Variants in CPNE8 observed in about 807,000 individuals in gnomAD.
CPNE8 encodes copine 8.
CPNE8 carries 45 observed loss-of-function variants against 81.5 expected under a neutral mutation model. The ratio of observed to expected loss-of-function variants is 0.55; its 90% CI spans 0.44 to 0.71. The LOEUF is 0.71. CPNE8 is among the 30% of genes least tolerant of loss of function. The probability of loss-of-function intolerance (pLI) is 0.00; values close to 1 mark genes in which losing one functional copy is unlikely to be tolerated. For synonymous variants in CPNE8, 252 were observed against 226.3 expected (o/e 1.11, Z -1.02); for missense variants, 594 against 672.1 (o/e 0.88, Z 1.28).
chr12:38,797,739 T>A (rs1026139934), intron 6 of CPNE8, among the ~76,000 whole-genome samples: 13 of 151,898 alleles, frequency 8.6e-5, no homozygotes, highest in African/African-American at 3.1e-4. Context: ...CTTCAGAAGA[T>A]CAAACTACTC....
At chr12:38,813,230 A>T (rs1346049553) in intron 6 of CPNE8, among the ~76,000 whole-genome samples, 1 of 152,220 alleles carries the variant, frequency 6.6e-6, no homozygotes, top group Non-Finnish European at 1.5e-5. Flanking sequence ...CACAGAAAGG[A>T]CTAATGCATA....
intron 8 of CPNE8, among the ~76,000 whole-genome samples, chr12:38,766,746 TA>T (rs1941697865): frequency 6.6e-6 from 1 of 152,144 alleles, no homozygotes; most frequent in Non-Finnish European, 1.5e-5. Context: ...CTTTAGCTGA[TA>T]TATTACACAT....
At chr12:38,718,691 GA>G (rs545561309) in intron 13 of CPNE8, among the ~76,000 whole-genome samples, 245 of 152,152 alleles carry the variant, frequency 1.6e-3, no homozygotes, top group Non-Finnish European at 2.6e-3. Flanking sequence ...TTATTTCTAG[GA>G]AGTAACTCTA....
intron 17 of CPNE8, among the ~76,000 whole-genome samples, chr12:38,676,861 T>C (rs988554376): frequency 1.3e-5 from 2 of 152,170 alleles, no homozygotes; most frequent in African/African-American, 4.8e-5. Flanking sequence ...AAAGTGCATA[T>C]TAATGCCACT....
At chr12:38,880,629 A>G (rs1019188273) in intron 1 of CPNE8, among the ~76,000 whole-genome samples, 6 of 152,140 alleles carry the variant, frequency 3.9e-5, no homozygotes, top group Admixed American at 2.6e-4. Flanking sequence ...ATTTGTATGT[A>G]TATATATTTT....
intron 8 of CPNE8, among the ~76,000 whole-genome samples, chr12:38,765,922 G>A (rs1026762187): frequency 1.5e-4 from 23 of 151,228 alleles, no homozygotes; most frequent in African/African-American, 5.4e-4. Context: ...GCAATGGCAC[G>A]ATCTTGGCTC....
At chr12:38,786,515 T>C (rs1344335096) in intron 6 of CPNE8, among the ~76,000 whole-genome samples, 3 of 152,076 alleles carry the variant, frequency 2.0e-5, no homozygotes, top group Non-Finnish European at 4.4e-5. Flanking sequence ...AGTTCTTCAG[T>C]TTTGGAACTT....
At chr12:38,756,005 A>G (rs1477772171) in intron 10 of CPNE8, among the ~76,000 whole-genome samples, 7 of 129,428 alleles carry the variant, frequency 5.4e-5, no homozygotes, top group South Asian at 5.2e-4. Flanking sequence ...CCGCCACTGC[A>G]CTCCAGCCTG....
chr12:38,878,822 A>G (rs2137117107), intron 1 of CPNE8, among the ~76,000 whole-genome samples: 1 of 152,300 alleles, frequency 6.6e-6, no homozygotes, highest in African/African-American at 2.4e-5. Context: ...CTAACTAAGC[A>G]CTATCAAAAA....
intron 3 of CPNE8, among the ~76,000 whole-genome samples, chr12:38,851,768 T>C (rs1943650086): frequency 6.6e-6 from 1 of 152,228 alleles, no homozygotes; most frequent in South Asian, 2.1e-4. Flanking sequence ...AATGGCTTCC[T>C]GTAGTACTTA....
intron 13 of CPNE8, among the ~76,000 whole-genome samples, chr12:38,716,145 A>G (rs977676581): frequency 6.6e-5 from 10 of 152,150 alleles, no homozygotes; most frequent in Non-Finnish European, 2.9e-5. Flanking sequence ...GAAAGAAATC[A>G]TAGATGACAC....
chr12:38,832,232 G>A (rs1197799302), intron 5 of CPNE8, among the ~76,000 whole-genome samples: 1 of 152,174 alleles, frequency 6.6e-6, no homozygotes, highest in Non-Finnish European at 1.5e-5. Flanking sequence ...TAATGAGGAC[G>A]ATTTCATACC....
At chr12:38,861,998 G>A (rs1943842998) in intron 3 of CPNE8, among the ~76,000 whole-genome samples, 1 of 151,984 alleles carries the variant, frequency 6.6e-6, no homozygotes, top group Non-Finnish European at 1.5e-5. Flanking sequence ...CAATGATCTA[G>A]GCACTAAGCA....
At chr12:38,669,556 A>C (rs1327739176) in intron 19 of CPNE8, among the ~76,000 whole-genome samples, 1 of 152,220 alleles carries the variant, frequency 6.6e-6, no homozygotes, top group Non-Finnish European at 1.5e-5. Flanking sequence ...TCCCTGATAG[A>C]GCAGGAGCAC....
At chr12:38,875,796 T>C (rs1002423210) in intron 1 of CPNE8, among the ~76,000 whole-genome samples, 1 of 152,210 alleles carries the variant, frequency 6.6e-6, no homozygotes, top group Non-Finnish European at 1.5e-5. Flanking sequence ...AGAAGACCAC[T>C]AGTCAGTAAT....
intron 1 of CPNE8, among the ~76,000 whole-genome samples, chr12:38,889,351 C>T (rs73086062): frequency 0.032 from 4,805 of 152,256 alleles, 237 homozygotes; most frequent in African/African-American, 0.1. Context: ...CTTGAACTAT[C>T]GGCAGAGTCC....
chr12:38,723,139 GA>G (rs1323540430), intron 13 of CPNE8, among the ~76,000 whole-genome samples: 1 of 152,158 alleles, frequency 6.6e-6, no homozygotes, highest in East Asian at 1.9e-4. Flanking sequence ...TAATACAGGG[GA>G]TGCTTGGTAA....
At chr12:38,668,328 T>C (rs11169054) in intron 19 of CPNE8, among the ~76,000 whole-genome samples, 34,040 of 152,104 alleles carry the variant, frequency 0.22, 4,815 homozygotes, top group Non-Finnish European at 0.31. Context: ...GCATAGATCA[T>C]TGGTGTCCTA....
intron 6 of CPNE8, among the ~76,000 whole-genome samples, chr12:38,778,247 C>T (rs1941975903): frequency 6.6e-6 from 1 of 152,082 alleles, no homozygotes; most frequent in Admixed American, 6.6e-5. Context: ...AGGTTGGGGA[C>T]TTCTGGGTTA....
Sources: gnomAD v4.1 joint callset for allele counts (sites outside exome capture counted in the v4.1 genomes callset) on GRCh38, gnomAD v4.1.1 for gene constraint, MANE v1.5 for transcripts, NCBI Gene and HGNC (gene_info 2026-07-23, HGNC 2026-07-21) for gene names.